Variants in NRG3 observed in about 807,000 individuals in gnomAD.
NRG3 encodes pro-neuregulin-3, membrane-bound isoform.
In NRG3, 31 loss-of-function variants were observed where a neutral mutation model predicts 66.9. The ratio of observed to expected loss-of-function variants is 0.46; its 90% CI spans 0.35 to 0.63. The LOEUF is 0.63. Among genes scored for constraint, NRG3 ranks in the 20% least tolerant of loss-of-function variants. The pLI, the probability that NRG3 is intolerant of heterozygous loss-of-function variation, is 0.00. For missense variants in NRG3, 910 were observed against 878.9 expected (o/e 1.04, Z -0.45); for synonymous variants, 393 against 359.4 (o/e 1.09, Z -1.06).
chr10:82,978,958 C>T lies in NRG3; in HGVS notation c.1421C>T (p.Ser474Phe). ...SQSVKHHRSL[S>F]SCCSPGQRSG... ...TCATTCCACCCCAGCAGGAGTCTAT[C>T]CTCTTGCTGCAGCCCAGGGCAAAGA... The change falls in exon 8 of 9, where the codon TCC becomes TTC. Residue 474 changes from serine to phenylalanine, a missense_variant. Physicochemically the swap from Ser to Phe is radical, Grantham distance 155 (BLOSUM62 -2). Transcript: ENST00000372141. 6.2e-7 allele frequency: 1 copy of T among 1,613,720 alleles called. No homozygotes were observed. The highest frequency in any genetic ancestry group is 1.1e-5 in the South Asian group (1 of 91,042).
intron 1 of NRG3, among the ~76,000 whole-genome samples, chr10:81,978,113 A>G (rs2133431952): frequency 6.6e-6 from 1 of 152,318 alleles, no homozygotes; most frequent in Non-Finnish European, 1.5e-5. Context: ...ATAGAATGCT[A>G]GAACTTTTTC....
chr10:82,553,129 T>C (rs2044429894), intron 2 of NRG3, among the ~76,000 whole-genome samples: 2 of 152,120 alleles, frequency 1.3e-5, no homozygotes, highest in African/African-American at 2.4e-5. Context: ...GTTGCAATTC[T>C]AAAGATCAAG....
At chr10:82,147,606 C>T (rs1357522258) in intron 1 of NRG3, among the ~76,000 whole-genome samples, 1 of 152,194 alleles carries the variant, frequency 6.6e-6, no homozygotes, top group African/African-American at 2.4e-5. Context: ...GGACCCTGCC[C>T]AGCCTGAGCT....
intron 4 of NRG3, among the ~76,000 whole-genome samples, chr10:82,874,219 C>T (rs965046614): frequency 2.0e-5 from 3 of 151,738 alleles, no homozygotes; most frequent in African/African-American, 4.8e-5. Flanking sequence ...AAGAAGTGAC[C>T]AGTTTAGGAT....
At chr10:82,755,913 C>T (rs2059058300) in intron 3 of NRG3, among the ~76,000 whole-genome samples, 1 of 152,134 alleles carries the variant, frequency 6.6e-6, no homozygotes, top group Admixed American at 6.6e-5. Context: ...TGTTGTCCCT[C>T]AGTGATGCCA....
intron 1 of NRG3, among the ~76,000 whole-genome samples, chr10:82,012,828 A>C (rs925073533): frequency 6.6e-6 from 1 of 152,212 alleles, no homozygotes; most frequent in African/African-American, 2.4e-5. Context: ...TCTTATCTTC[A>C]TCTGAGACCA....
At chr10:82,438,003 C>A (rs1010819481) in intron 2 of NRG3, among the ~76,000 whole-genome samples, 7 of 152,202 alleles carry the variant, frequency 4.6e-5, no homozygotes, top group African/African-American at 7.2e-5. Context: ...GTCCGACAAA[C>A]CCTGTTGGAG....
At chr10:82,980,829 C>A (rs558956696) in intron 8 of NRG3, among the ~76,000 whole-genome samples, 1 of 152,314 alleles carries the variant, frequency 6.6e-6, no homozygotes, top group Non-Finnish European at 1.5e-5. Flanking sequence ...GTTTGCATTT[C>A]TCTTGGTCTT....
intron 2 of NRG3, among the ~76,000 whole-genome samples, chr10:82,379,851 G>A (rs1336343211): frequency 1.4e-5 from 2 of 147,214 alleles, no homozygotes; most frequent in Non-Finnish European, 3.0e-5. Context: ...GATGTTTGTA[G>A]GGCATAAAAA....
At chr10:82,967,742 A>C (rs569448799) in intron 6 of NRG3, among the ~76,000 whole-genome samples, 1 of 152,206 alleles carries the variant, frequency 6.6e-6, no homozygotes. Context: ...CTCTGTGTGC[A>C]TTTCAAAATA....
At chr10:82,638,967 A>G (rs556255334) in intron 2 of NRG3, among the ~76,000 whole-genome samples, 1 of 152,046 alleles carries the variant, frequency 6.6e-6, no homozygotes, top group Admixed American at 6.6e-5. Flanking sequence ...TTAATCTTCT[A>G]TCATATAATC....
At chr10:82,016,983 G>A (rs1049284890) in intron 1 of NRG3, among the ~76,000 whole-genome samples, 3 of 152,042 alleles carry the variant, frequency 2.0e-5, no homozygotes, top group Non-Finnish European at 2.9e-5. Flanking sequence ...TGTGCACAAC[G>A]TGCACGTTTG....
chr10:82,137,575 T>G (rs1356850607), intron 1 of NRG3, among the ~76,000 whole-genome samples: 1 of 152,184 alleles, frequency 6.6e-6, no homozygotes, highest in Non-Finnish European at 1.5e-5. Context: ...TTTAGACACA[T>G]TCGTAAACAG....
intron 1 of NRG3, among the ~76,000 whole-genome samples, chr10:82,134,646 A>G (rs918646614): frequency 1.3e-5 from 2 of 152,020 alleles, no homozygotes; most frequent in East Asian, 3.9e-4. Context: ...GTATTATGCT[A>G]TTTTGGTTAT....
At chr10:82,155,273 AG>A in intron 1 of NRG3, among the ~76,000 whole-genome samples, 1 of 151,912 alleles carries the variant, frequency 6.6e-6, no homozygotes, top group Admixed American at 6.6e-5. Context: ...GGGTCAGAAA[AG>A]GTCAAATTAC....
At chr10:82,947,226 G>A (rs1262467068) in intron 4 of NRG3, among the ~76,000 whole-genome samples, 1 of 152,028 alleles carries the variant, frequency 6.6e-6, no homozygotes, top group Non-Finnish European at 1.5e-5. Context: ...TTTGCTGTCT[G>A]ATTTATTGCA....
At chr10:82,312,680 A>C (rs191571304) in intron 1 of NRG3, among the ~76,000 whole-genome samples, 103 of 152,352 alleles carry the variant, frequency 6.8e-4, no homozygotes, top group Middle Eastern at 3.4e-3. Flanking sequence ...ATTAATTGCC[A>C]AGTAGGGGCA....
intron 1 of NRG3, among the ~76,000 whole-genome samples, chr10:82,268,074 A>G (rs2078396467): frequency 6.6e-6 from 1 of 152,214 alleles, no homozygotes; most frequent in Non-Finnish European, 1.5e-5. Flanking sequence ...TTAGAACCAA[A>G]TTTGAACAAA....
At chr10:82,011,729 G>T (rs944813621) in intron 1 of NRG3, among the ~76,000 whole-genome samples, 13 of 152,084 alleles carry the variant, frequency 8.5e-5, no homozygotes, top group African/African-American at 3.1e-4. Context: ...AATCCAGCGG[G>T]GTAGTCAAAT....
Sources: gnomAD v4.1 joint callset for allele counts (sites outside exome capture counted in the v4.1 genomes callset) on GRCh38, gnomAD v4.1.1 for gene constraint, MANE v1.5 for transcripts, NCBI Gene and HGNC (gene_info 2026-07-23, HGNC 2026-07-21) for gene names.